TMEM163: variants seen among roughly 807,000 people sequenced by gnomAD.
TMEM163 encodes the protein transmembrane protein 163.
A neutral mutation model predicts 29.3 loss-of-function variants in TMEM163; 17 were observed. The ratio of observed to expected loss-of-function variants is 0.58; its 90% CI spans 0.40 to 0.87. The LOEUF is 0.87. Ranked by LOEUF, TMEM163 falls within the 40% of genes least tolerant of loss-of-function variation. The pLI, the probability that TMEM163 is intolerant of heterozygous loss-of-function variation, is 0.00. For synonymous variants in TMEM163, 157 were observed against 160.6 expected (o/e 0.98, Z 0.17); for missense variants, 303 against 381.5 (o/e 0.79, Z 1.71).
chr2:134,669,575 C>T (rs1683945557), intron 2 of TMEM163, among the ~76,000 whole-genome samples: 1 of 152,336 alleles, frequency 6.6e-6, no homozygotes, highest in East Asian at 1.9e-4. Context: ...ATTCCATGTG[C>T]ATCTCTCTCA....
intron 2 of TMEM163, among the ~76,000 whole-genome samples, chr2:134,559,722 C>T (rs990979620): frequency 2.0e-5 from 3 of 152,134 alleles, no homozygotes; most frequent in African/African-American, 7.2e-5. Flanking sequence ...CCACAATAAC[C>T]TATAAAACCC....
intron 2 of TMEM163, among the ~76,000 whole-genome samples, chr2:134,689,496 A>G (rs916167608): frequency 6.6e-6 from 1 of 152,170 alleles, no homozygotes; most frequent in Non-Finnish European, 1.5e-5. Flanking sequence ...GACTCAGCTC[A>G]CTTCCCCAAA....
intron 5 of TMEM163, among the ~76,000 whole-genome samples, chr2:134,473,276 C>A (rs1429800525): frequency 6.6e-6 from 1 of 152,168 alleles, no homozygotes; most frequent in Non-Finnish European, 1.5e-5. Flanking sequence ...TGGCTCACAA[C>A]TGTAATCCCA....
chr2:134,675,499 C>G lies in TMEM163; in HGVS notation c.322+37701G>C, dbSNP rs551250139. Among the ~76,000 whole-genome samples, 10 of 152,110 alleles carry G rather than the reference C, an allele frequency of 6.6e-5. No homozygotes were observed. In the South Asian group the frequency reaches 2.1e-3, roughly 32 times the overall value. ...TTGACAAAGTAACACACGGGAACAG[C>G]AGTAAGATATGTGGCAATGATTTCT... On this transcript the variant is annotated intron_variant, in intron 2 of 7. Coordinates refer to ENST00000281924, the MANE Select transcript of TMEM163 (RefSeq NM_030923.5).
rs568417732 is a variant in TMEM163, at chr2:134,539,173, C to A, written c.458+11397G>T. On this transcript the variant is annotated intron_variant, in intron 4 of 7. Transcript: ENST00000281924. The stretch of plus-strand genomic sequence containing the variant: ...TGGGTAGGAACGATGATAAGCCACT[C>A]AAGGATTTATTTAAATGCCTCCTAT... 9.3e-4 allele frequency among the ~76,000 whole-genome samples: 141 copies of A among 152,220 alleles called. 1 individual carries two copies. Among genetic ancestry groups the A allele is most frequent in the African/African-American group, 3.4e-3 (140 of 41,548 alleles).
chr2:134,695,087 T>A (rs983917997), intron 2 of TMEM163, among the ~76,000 whole-genome samples: 6 of 151,780 alleles, frequency 4.0e-5, no homozygotes, highest in East Asian at 1.9e-4. Flanking sequence ...GAAAAAAAAA[T>A]TTTTTTTGAG....
intron 2 of TMEM163, among the ~76,000 whole-genome samples, chr2:134,554,409 C>A (rs977678148): frequency 1.6e-5 from 2 of 122,188 alleles, no homozygotes; most frequent in Non-Finnish European, 3.2e-5. Context: ...GGTGACAGAG[C>A]GAGACCCCAT....
intron 2 of TMEM163, among the ~76,000 whole-genome samples, chr2:134,600,088 A>G (rs1358961330): frequency 6.6e-6 from 1 of 152,198 alleles, no homozygotes; most frequent in African/African-American, 2.4e-5. Context: ...GACCCTAGAA[A>G]ACTGCCCACC....
intron 2 of TMEM163, among the ~76,000 whole-genome samples, chr2:134,690,360 AC>A (rs944548117): frequency 1.3e-5 from 2 of 151,460 alleles, no homozygotes; most frequent in African/African-American, 2.4e-5. Context: ...ATCTTGGCTC[AC>A]TGTAACCTCC....
rs757061256 is a variant in TMEM163 at position 134,502,989 on chromosome 2, A to G, written c.467T>C (p.Val156Ala). 14 of 1,613,388 alleles carry G rather than the reference A, an allele frequency of 8.7e-6. No homozygotes were observed. Among genetic ancestry groups the G allele is most frequent in the African/African-American group, 1.3e-5 (1 of 74,936 alleles). ...HSAHREYIAC[V>A]ILGVIFLLSS... Reference sequence around the variant, plus strand: ...CAGAAGGAATATCACCCCCAAGATGACACAGGCTCTGCAAAAAACAAAACA... The same window carrying G: ...CAGAAGGAATATCACCCCCAAGATGGCACAGGCTCTGCAAAAAACAAAACA... The change falls in exon 5 of 8, where the codon GTC (valine) becomes GCC (alanine). Residue 156 changes from valine (V) to alanine (A), a missense_variant. By Grantham distance (64) the Val-to-Ala change is moderately conservative. Around this residue, in one of 2 missense-constraint regions of TMEM163, gnomAD observed 203 missense variants for 294.3 expected, o/e 0.69. Transcript: ENST00000281924.
chr2:134,570,469 T>TATACATATACATATACATATAC (rs72394533), intron 2 of TMEM163, among the ~76,000 whole-genome samples: 21 of 145,106 alleles, frequency 1.4e-4, no homozygotes, highest in African/African-American at 5.2e-4. Flanking sequence ...ACTACATATA[T>TATACATATACATATACATATAC]ATATACATAT....
At chr2:134,590,409 C>T (rs1681912193) in intron 2 of TMEM163, among the ~76,000 whole-genome samples, 1 of 152,192 alleles carries the variant, frequency 6.6e-6, no homozygotes, top group Admixed American at 6.5e-5. Flanking sequence ...GCTACTGTGG[C>T]TGCCCCAGTC....
chr2:134,461,365 G>A (rs1686531203), intron 6 of TMEM163, among the ~76,000 whole-genome samples: 1 of 152,182 alleles, frequency 6.6e-6, no homozygotes, highest in African/African-American at 2.4e-5. Flanking sequence ...TTTGAGAACT[G>A]GATATGAGCA....
At chr2:134,609,071 G>A (rs1242759776) in intron 2 of TMEM163, among the ~76,000 whole-genome samples, 1 of 81,804 alleles carries the variant, frequency 1.2e-5, no homozygotes, top group Non-Finnish European at 2.5e-5. Context: ...GACAGACCCC[G>A]AGAACTGTAC....
At chr2:134,533,208 G>A (rs1317319465) in intron 4 of TMEM163, among the ~76,000 whole-genome samples, 2 of 152,178 alleles carry the variant, frequency 1.3e-5, no homozygotes, top group East Asian at 1.9e-4. Flanking sequence ...ATAGCCAACA[G>A]AAGAACTCCA....
chr2:134,589,959 G>A (rs1157632556), intron 2 of TMEM163, among the ~76,000 whole-genome samples: 1 of 152,110 alleles, frequency 6.6e-6, no homozygotes, highest in Non-Finnish European at 1.5e-5. Context: ...CAGTCCTCAA[G>A]AAACCTGGGT....
chr2:134,562,393 C>A (rs1028212313), intron 2 of TMEM163, among the ~76,000 whole-genome samples: 5 of 152,176 alleles, frequency 3.3e-5, no homozygotes, highest in Admixed American at 2.0e-4. Context: ...TAATTTCTGG[C>A]TTTTATTTAA....
intron 4 of TMEM163, among the ~76,000 whole-genome samples, chr2:134,524,298 A>G (rs2106496324): frequency 6.6e-6 from 1 of 151,208 alleles, no homozygotes; most frequent in East Asian, 1.9e-4. Context: ...TTGGTCTGGG[A>G]AGCAGCCTAG....
rs113930240 is a variant in TMEM163, at chr2:134,499,598, T to C, written c.555+3303A>G. On this transcript the variant is annotated intron_variant, in intron 5 of 7. Coordinates refer to ENST00000281924, the MANE Select transcript of TMEM163 (RefSeq NM_030923.5). ...GTCAACCAACTTTACAGTTGGGAAATTCCAATTGCACAGCTCTCTTACTCA... is the reference window on the plus strand; with the variant it reads ...GTCAACCAACTTTACAGTTGGGAAACTCCAATTGCACAGCTCTCTTACTCA... Among the ~76,000 whole-genome samples, 722 of 152,280 alleles carry C rather than the reference T, an allele frequency of 4.7e-3. 3 individuals carry two copies. Among genetic ancestry groups the C allele is most frequent in the African/African-American group, 0.017 (688 of 41,558 alleles).
Sources: allele counts gnomAD v4.1 joint callset (sites outside exome capture counted in the v4.1 genomes callset), GRCh38; gene constraint gnomAD v4.1.1; regional missense constraint gnomAD v4.1.1; transcripts MANE v1.5; gene names NCBI Gene and HGNC (gene_info 2026-07-23, HGNC 2026-07-21).